ITGBL1: variants seen among roughly 807,000 people sequenced by gnomAD.
ITGBL1 encodes the protein integrin beta-like protein 1.
In ITGBL1, 51 loss-of-function variants were observed where a neutral mutation model predicts 68.5. That is an observed-to-expected ratio of 0.74 (90% CI 0.59 to 0.94). The LOEUF (loss-of-function observed/expected upper bound fraction) is 0.94. Among genes scored for constraint, ITGBL1 ranks in the 40% least tolerant of loss-of-function variants. The pLI is 0.00. For missense variants in ITGBL1, 649 were observed against 647.4 expected, an observed-to-expected ratio of 1.00 and a Z score of -0.03; for synonymous variants, 209 against 227.3, an observed-to-expected ratio of 0.92 and a Z score of 0.72.
intron 9 of ITGBL1, among the ~76,000 whole-genome samples, chr13:101,707,419 A>C (rs1386681257): frequency 6.6e-6 from 1 of 152,194 alleles, no homozygotes; most frequent in Non-Finnish European, 1.5e-5. Context: ...AATTTAGTTT[A>C]ATTTTTTTAA....
intron 6 of ITGBL1, among the ~76,000 whole-genome samples, chr13:101,588,341 C>T (rs547547021): frequency 6.5e-4 from 96 of 148,740 alleles, no homozygotes; most frequent in African/African-American, 1.8e-3. Context: ...ACAGAGAGAT[C>T]TTTAGAGAGC....
intron 7 of ITGBL1, among the ~76,000 whole-genome samples, chr13:101,642,133 G>T (rs1254318884): frequency 1.3e-5 from 2 of 151,420 alleles, no homozygotes; most frequent in Non-Finnish European, 3.0e-5. Flanking sequence ...CTGAGGAATC[G>T]CCACACTGAC....
intron 2 of ITGBL1, among the ~76,000 whole-genome samples, chr13:101,522,257 T>C (rs1463637329): frequency 6.6e-6 from 1 of 152,106 alleles, no homozygotes; most frequent in Admixed American, 6.6e-5. Context: ...TAATAGTATA[T>C]GAACTAAAGA....
chr13:101,583,396 G>A, intron 6 of ITGBL1, 40 bp downstream of exon 6: 1 of 1,412,406 alleles, frequency 7.1e-7, no homozygotes, highest in Non-Finnish European at 9.3e-7. Flanking sequence ...GGAGGGGGAG[G>A]TGGGGCTTGT....
chr13:101,471,526 GTATGTA>G (rs756749789), intron 2 of ITGBL1, among the ~76,000 whole-genome samples: 94 of 143,236 alleles, frequency 6.6e-4, no homozygotes, highest in African/African-American at 2.2e-3. Context: ...GTGTGTGTGT[GTATGTA>G]TGTGTGTGTG....
At chr13:101,676,236 G>A (rs2033499606) in intron 7 of ITGBL1, among the ~76,000 whole-genome samples, 1 of 151,640 alleles carries the variant, frequency 6.6e-6, no homozygotes, top group Non-Finnish European at 1.5e-5. Flanking sequence ...GTTGGTTTTG[G>A]TGTGTTTAAA....
At chr13:101,707,533 G>A (rs533167330) in intron 9 of ITGBL1, among the ~76,000 whole-genome samples, 230 of 152,260 alleles carry the variant, frequency 1.5e-3, no homozygotes, top group African/African-American at 5.1e-3. Context: ...TGTGCAGCCT[G>A]ATATAAGAAA....
intron 7 of ITGBL1, among the ~76,000 whole-genome samples, chr13:101,644,478 A>G (rs1290357940): frequency 6.6e-6 from 1 of 152,186 alleles, no homozygotes; most frequent in Non-Finnish European, 1.5e-5. Flanking sequence ...TGGAGATATT[A>G]AGTAGGATAT....
chr13:101,567,654 T>C, intron 2 of ITGBL1, 45 bp from the exon 3 acceptor site: 2 of 1,591,080 alleles, frequency 1.3e-6, no homozygotes, highest in Non-Finnish European at 8.6e-7. Context: ...AGTGGTTATC[T>C]TTGGAAAACA....
intron 2 of ITGBL1, among the ~76,000 whole-genome samples, chr13:101,549,255 T>C (rs1201000281): frequency 6.6e-6 from 1 of 151,956 alleles, no homozygotes; most frequent in Non-Finnish European, 1.5e-5. Context: ...AACCATATTT[T>C]ATGTCCATAT....
chr13:101,647,463 C>T (rs958780538), intron 7 of ITGBL1, among the ~76,000 whole-genome samples: 4 of 151,810 alleles, frequency 2.6e-5, no homozygotes, highest in Admixed American at 2.6e-4. Flanking sequence ...ACAAAGTCAA[C>T]AAGAAAAGCT....
intron 2 of ITGBL1, among the ~76,000 whole-genome samples, chr13:101,524,060 A>T (rs115853642): frequency 6.8e-4 from 104 of 152,162 alleles, no homozygotes; most frequent in African/African-American, 2.4e-3. Flanking sequence ...AACCATTTTT[A>T]CTGCAGTGCA....
At chr13:101,595,621 G>T (rs9554809) in intron 6 of ITGBL1, among the ~76,000 whole-genome samples, 8 of 151,900 alleles carry the variant, frequency 5.3e-5, no homozygotes, top group African/African-American at 1.9e-4. Context: ...ATCACTAATA[G>T]GGAAATGCAA....
intron 7 of ITGBL1, among the ~76,000 whole-genome samples, chr13:101,658,938 G>A (rs2033006328): frequency 6.6e-6 from 1 of 151,342 alleles, no homozygotes; most frequent in South Asian, 2.1e-4. Flanking sequence ...ACACCATGGT[G>A]TACATTTTAG....
At chr13:101,610,407 A>G (rs1244954092) in intron 7 of ITGBL1, among the ~76,000 whole-genome samples, 1 of 152,154 alleles carries the variant, frequency 6.6e-6, no homozygotes, top group Non-Finnish European at 1.5e-5. Flanking sequence ...CACAAAACTT[A>G]ATAGGGCTGG....
chr13:101,683,633 A>C (rs2033692242), intron 7 of ITGBL1, among the ~76,000 whole-genome samples: 1 of 151,986 alleles, frequency 6.6e-6, no homozygotes, highest in Non-Finnish European at 1.5e-5. Context: ...TGCCAACTTC[A>C]CTAGATAATG....
chr13:101,715,387 G>A lies in ITGBL1; in HGVS notation c.1394-176G>A, dbSNP rs1354717220. On this transcript the variant is annotated intron_variant, in intron 10 of 10. Transcript: ENST00000376180. ...AATAAATGCCACTAATTGTTTGAAA[G>A]ATTAGATGTCTCGCAGCTGCTTAAT... 3.5e-5 allele frequency: 21 copies of A among 598,690 alleles called. 1 individual carries two copies. Among genetic ancestry groups the A allele is most frequent in the Non-Finnish European group, 5.7e-5 (19 of 332,994 alleles). The allele number at this position is 598,690 out of a possible 1,614,324, so 37.1% of individuals were successfully genotyped here.
At chr13:101,708,924 A>G (rs902582183) in intron 9 of ITGBL1, among the ~76,000 whole-genome samples, 2 of 152,256 alleles carry the variant, frequency 1.3e-5, no homozygotes, top group African/African-American at 4.8e-5. Flanking sequence ...TCAAGCCCCA[A>G]ACAGATCTTC....
intron 2 of ITGBL1, among the ~76,000 whole-genome samples, chr13:101,529,602 C>G (rs534117779): frequency 6.6e-6 from 1 of 152,254 alleles, no homozygotes; most frequent in South Asian, 2.1e-4. Context: ...GTGTCACCAC[C>G]TTGAATTGTA....
Sources: allele counts gnomAD v4.1 joint callset (sites outside exome capture counted in the v4.1 genomes callset), GRCh38; gene constraint gnomAD v4.1.1; transcripts MANE v1.5; gene names NCBI Gene and HGNC (gene_info 2026-07-23, HGNC 2026-07-21).